CPNE4: variants seen among roughly 807,000 people sequenced by gnomAD.
CPNE4 encodes the protein copine-4.
A neutral mutation model predicts 67.9 loss-of-function variants in CPNE4; 25 were observed. The ratio of observed to expected loss-of-function variants is 0.37; its 90% CI spans 0.27 to 0.51. The LOEUF is 0.51. CPNE4 is among the 20% of genes least tolerant of loss of function. The pLI, the probability that CPNE4 is intolerant of heterozygous loss-of-function variation, is 0.93. For missense variants in CPNE4, 464 were observed against 690.8 expected, an observed-to-expected ratio of 0.67 and a Z score of 3.68; for synonymous variants, 242 against 244.9, an observed-to-expected ratio of 0.99 and a Z score of 0.11.
chr3:132,007,182 C>T (rs560017127), intron 1 of CPNE4, among the ~76,000 whole-genome samples: 3 of 152,090 alleles, frequency 2.0e-5, no homozygotes, highest in Non-Finnish European at 4.4e-5. Context: ...GAAAACAGGG[C>T]AAGGGTCTTA....
Position 131,535,293 on chromosome 3 carries a change from C to CAGCCAGCA in CPNE4, c.1568_1575dup (p.Glu526CysfsTer33), listed in dbSNP as rs1197044339. 1.2e-6 allele frequency: 2 copies of CAGCCAGCA among 1,613,856 alleles called. No individual in the cohort carries two copies. On this transcript the variant is annotated frameshift_variant, in exon 16 of 16. Transcript: ENST00000429747. LOFTEE classifies it high-confidence loss of function. ...TAGTCCACAACTTGGTTTGGGACTT[C>CAGCCAGCA]AGCCAGCACGCTCTTTGCCAGGGCA...
chr3:131,842,642 G>C (rs753574819), intron 2 of CPNE4, among the ~76,000 whole-genome samples: 13 of 151,130 alleles, frequency 8.6e-5, no homozygotes, highest in Non-Finnish European at 1.9e-4. Context: ...CAGTGAATTG[G>C]AAGTGACAGT....
At chr3:132,013,403 A>G (rs1395363636) in intron 1 of CPNE4, among the ~76,000 whole-genome samples, 1 of 152,234 alleles carries the variant, frequency 6.6e-6, no homozygotes, top group Non-Finnish European at 1.5e-5. Flanking sequence ...CATTGACCAC[A>G]TGCTTTACCC....
At position 131,728,489 on chromosome 3, in the gene CPNE4, G is replaced by A. The variant is rs544815349; in HGVS notation, c.181-4864C>T. ...GCTCAAAGTAATGCATCATCCAGAC[G>A]ACAAACATAAAATGTGGAACTGATA... On this transcript the variant is annotated intron_variant, in intron 2 of 15. Coordinates refer to ENST00000429747, the MANE Select transcript of CPNE4 (RefSeq NM_130808.3). Among the ~76,000 whole-genome samples the A allele has an allele frequency of 7.2e-5, 11 of 152,224 alleles. No homozygotes were observed. In the South Asian group the frequency reaches 1.7e-3, roughly 23 times the overall value.
intron 2 of CPNE4, among the ~76,000 whole-genome samples, chr3:131,746,146 T>C (rs2082483064): frequency 6.6e-6 from 1 of 152,110 alleles, no homozygotes; most frequent in South Asian, 2.1e-4. Flanking sequence ...AAATTTATCA[T>C]CAACAGATAA....
At chr3:131,553,176 C>T (rs1936276631) in intron 12 of CPNE4, among the ~76,000 whole-genome samples, 1 of 152,020 alleles carries the variant, frequency 6.6e-6, no homozygotes, top group Admixed American at 6.6e-5. Flanking sequence ...GATGTTCTGG[C>T]ATCTGGACAT....
At chr3:131,576,706 G>T (rs1254437002) in intron 9 of CPNE4, among the ~76,000 whole-genome samples, 1 of 152,142 alleles carries the variant, frequency 6.6e-6, no homozygotes, top group Non-Finnish European at 1.5e-5. Flanking sequence ...GAAAGCATGG[G>T]CAAACCATTT....
chr3:131,602,197 C>T (rs969151351), intron 7 of CPNE4, among the ~76,000 whole-genome samples: 3 of 152,048 alleles, frequency 2.0e-5, no homozygotes, highest in African/African-American at 4.8e-5. Context: ...CACAGAATAC[C>T]CAGGAGTCTG....
At chr3:131,820,794 T>C (rs1243369436) in intron 2 of CPNE4, among the ~76,000 whole-genome samples, 1 of 152,222 alleles carries the variant, frequency 6.6e-6, no homozygotes, top group African/African-American at 2.4e-5. Flanking sequence ...ATCTCCACTG[T>C]ACAGTTGAAG....
chr3:131,848,983 C>CAA (rs2086125887), intron 2 of CPNE4, among the ~76,000 whole-genome samples: 1 of 71,748 alleles, frequency 1.4e-5, no homozygotes, highest in Admixed American at 1.3e-4. Context: ...AAAAAAAAAA[C>CAA]ACAGAGATAT....
chr3:131,985,387 T>A (rs1406584789), intron 1 of CPNE4, among the ~76,000 whole-genome samples: 1 of 152,206 alleles, frequency 6.6e-6, no homozygotes, highest in Non-Finnish European at 1.5e-5. Context: ...CCAAAGATAT[T>A]AAGTGTTTTA....
intron 10 of CPNE4, among the ~76,000 whole-genome samples, chr3:131,574,107 A>T (rs1366082874): frequency 6.6e-6 from 1 of 152,050 alleles, no homozygotes; most frequent in East Asian, 1.9e-4. Flanking sequence ...TTGGGCCCAA[A>T]GCTTGACTAA....
chr3:131,792,662 TGTATATATAC>T (rs2083775584), intron 2 of CPNE4, among the ~76,000 whole-genome samples: 5 of 68,092 alleles, frequency 7.3e-5, no homozygotes, highest in Middle Eastern at 7.5e-3. Context: ...TATACACACG[TGTATATATAC>T]ATATATACAC....
rs562913473 is a variant in CPNE4 at position 132,034,784 on chromosome 3, G to A, written c.-219C>T. ...GCTGAGAGCAGAGTTCGGTCTCTCC[G>A]GAAACCCTGACTCCATTCTCGGTGA... On this transcript the variant is annotated 5_prime_UTR_variant, in exon 1 of 16. Transcript: ENST00000429747. 4.1e-5 allele frequency: 40 copies of A among 985,302 alleles called. No homozygotes were observed. In the African/African-American group the frequency reaches 6.8e-4, roughly 17 times the overall value. The allele number at this position is 985,302 out of a possible 1,614,324, so 61.0% of individuals were successfully genotyped here. A position where few individuals can be genotyped will look rare whatever the true frequency, so the allele number is the denominator to read the frequency against.
intron 1 of CPNE4, among the ~76,000 whole-genome samples, chr3:132,016,757 T>C (rs1169402670): frequency 6.6e-6 from 1 of 152,192 alleles, no homozygotes; most frequent in East Asian, 1.9e-4. Context: ...ATCTCACAAA[T>C]TGGTCCGTTC....
chr3:131,867,562 C>A (rs979460623), intron 2 of CPNE4, among the ~76,000 whole-genome samples: 1 of 152,132 alleles, frequency 6.6e-6, no homozygotes, highest in Admixed American at 6.6e-5. Flanking sequence ...GTCCAGCCCT[C>A]CATGCAAATG....
chr3:131,971,406 C>A (rs2072498276), intron 1 of CPNE4, among the ~76,000 whole-genome samples: 1 of 152,208 alleles, frequency 6.6e-6, no homozygotes, highest in African/African-American at 2.4e-5. Context: ...TACCAGCAAA[C>A]ATTTGGAACT....
chr3:131,603,230 A>G (rs948628300), intron 7 of CPNE4, among the ~76,000 whole-genome samples: 9 of 152,210 alleles, frequency 5.9e-5, no homozygotes, highest in African/African-American at 2.2e-4. Flanking sequence ...TGCAGTATAT[A>G]GAAGAACAGC....
At chr3:131,657,256 T>C (rs2107635702) in intron 7 of CPNE4, among the ~76,000 whole-genome samples, 1 of 152,330 alleles carries the variant, frequency 6.6e-6, no homozygotes, top group East Asian at 1.9e-4. Flanking sequence ...CATTAATTAA[T>C]TTTGTATCTA....
Sources: gnomAD v4.1 joint callset for allele counts (sites outside exome capture counted in the v4.1 genomes callset) on GRCh38, gnomAD v4.1.1 for gene constraint, MANE v1.5 for transcripts, NCBI Gene and HGNC (gene_info 2026-07-23, HGNC 2026-07-21) for gene names.